The following XYLB variants were observed in gnomAD, a reference collection of about 807,000 sequenced individuals.
The protein encoded by XYLB is xylulokinase.
In XYLB, 62 loss-of-function variants were observed where a neutral mutation model predicts 78.7. That is an observed-to-expected ratio of 0.79 (90% CI 0.64 to 0.97). The LOEUF is 0.97. Among genes scored for constraint, XYLB ranks in the 50% least tolerant of loss-of-function variants. The pLI is 0.00. For synonymous variants in XYLB, 245 were observed against 247.4 expected (o/e 0.99, Z 0.09); for missense variants, 687 against 676.8 (o/e 1.02, Z -0.17).
chr3:38,348,446 A>G, intron 1 of XYLB, 104 bp from the exon 2 acceptor site: 1 of 1,071,588 alleles, frequency 9.3e-7, no homozygotes, highest in Non-Finnish European at 1.4e-6. Flanking sequence ...TCTAGGTTGA[A>G]CTGCTCCTAG....
intron 18 of XYLB, among the ~76,000 whole-genome samples, chr3:38,404,717 T>C (rs899408029): frequency 3.9e-5 from 6 of 152,154 alleles, no homozygotes; most frequent in African/African-American, 1.4e-4. Context: ...TCCCAGCTAC[T>C]TGAGAGGTTC....
At chr3:38,362,809 A>G (rs1381933349) in intron 3 of XYLB, 128 bp from the exon 4 acceptor site, 10 of 640,842 alleles carry the variant, frequency 1.6e-5, no homozygotes, top group Admixed American at 9.4e-5. Context: ...ATCCCAAGTC[A>G]TGAGTTTCTT....
intron 7 of XYLB, 102 bp from the exon 8 acceptor site, chr3:38,368,083 T>C: frequency 8.8e-7 from 1 of 1,136,014 alleles, no homozygotes. Flanking sequence ...AAGTTTCCAC[T>C]TCCCTCTCCA....
At chr3:38,372,091 TG>T (rs1359116782) in intron 9 of XYLB, among the ~76,000 whole-genome samples, 3 of 152,210 alleles carry the variant, frequency 2.0e-5, no homozygotes, top group Admixed American at 6.5e-5. Context: ...GTGTCACATG[TG>T]GGGGAACCAC....
chr3:38,439,654 C>T, the XYLB span, among the ~76,000 whole-genome samples: 20 of 151,578 alleles, frequency 1.3e-4, no homozygotes, highest in East Asian at 5.9e-4. Context: ...CCCAGCTACT[C>T]GGGAGGCTGA....
chr3:38,372,548 G>C, intron 9 of XYLB, 107 bp from the exon 10 acceptor site: 1 of 1,578,642 alleles, frequency 6.3e-7, no homozygotes. Flanking sequence ...CTTCAGGTCT[G>C]GTGACCTGGA....
At chr3:38,377,085 T>A (rs1447804535) in intron 14 of XYLB, 94 bp downstream of exon 14, 3 of 1,103,898 alleles carry the variant, frequency 2.7e-6, no homozygotes, top group Non-Finnish European at 4.1e-6. Context: ...TTTAGGGACT[T>A]CATTCATTCA....
At position 38,365,277 on chromosome 3, in the gene XYLB, C is replaced by T; in HGVS notation, c.370C>T (p.Gln124Ter). ...SLSPDLRLHQ[Q>*]LQDCFSISDC... The stretch of plus-strand genomic sequence containing the variant: ...ATCACCAGACCTCCGGCTACACCAG[C>T]AGCTGCAGGTAACTGTGGCTACGTT... Residue 124 changes from glutamine (Q) to a stop codon, truncating the protein, a stop_gained, in exon 5 of 19, where the codon CAG (glutamine) becomes TAG (stop). Transcript: ENST00000207870. LOFTEE classifies it high-confidence loss of function. 1 of 1,614,166 alleles carries T rather than the reference C, an allele frequency of 6.2e-7. No individual in the cohort carries two copies. The highest frequency in any genetic ancestry group is 8.5e-7 in the Non-Finnish European group (1 of 1,179,984).
the XYLB span, among the ~76,000 whole-genome samples, chr3:38,450,262 T>G: frequency 6.6e-6 from 1 of 152,174 alleles, no homozygotes; most frequent in Non-Finnish European, 1.5e-5. Flanking sequence ...CAAATAACAT[T>G]ATAAAAACTG....
chr3:38,445,819 C>T, the XYLB span, among the ~76,000 whole-genome samples: 15 of 152,192 alleles, frequency 9.9e-5, no homozygotes, highest in East Asian at 7.7e-4. Context: ...AACTGGCTGA[C>T]AGGTGCCTGG....
At chr3:38,411,040 CA>C (rs1209905496) in intron 18 of XYLB, among the ~76,000 whole-genome samples, 3 of 151,896 alleles carry the variant, frequency 2.0e-5, no homozygotes, top group Non-Finnish European at 2.9e-5. Context: ...GGTATATACC[CA>C]AAGGACTATA....
chr3:38,443,422 A>T, the XYLB span, among the ~76,000 whole-genome samples: 1 of 152,126 alleles, frequency 6.6e-6, no homozygotes, highest in African/African-American at 2.4e-5. Context: ...CTTGTTTCTC[A>T]CTGGACAATC....
At chr3:38,366,785 A>G in intron 6 of XYLB, 23 bp from the exon 7 acceptor site, 4 of 1,583,152 alleles carry the variant, frequency 2.5e-6, no homozygotes, top group Non-Finnish European at 3.5e-6. Context: ...TTGGGTTCCT[A>G]AGAATTTATA....
chr3:38,385,188 C>A (rs71323661), intron 15 of XYLB, among the ~76,000 whole-genome samples: 1 of 151,906 alleles, frequency 6.6e-6, no homozygotes, highest in Non-Finnish European at 1.5e-5. Context: ...TTTGTAGAGA[C>A]GGGGTTTCGC....
the XYLB span, among the ~76,000 whole-genome samples, chr3:38,430,241 T>A: frequency 6.6e-6 from 1 of 152,206 alleles, no homozygotes; most frequent in Non-Finnish European, 1.5e-5. Flanking sequence ...TTTTAATGAT[T>A]GCCATTCTAA....
chr3:38,421,957 G>C (rs142099727), downstream of XYLB, among the ~76,000 whole-genome samples: 515 of 152,336 alleles, frequency 3.4e-3, 5 homozygotes, highest in African/African-American at 0.012. Flanking sequence ...CAGCAAGCTA[G>C]ACAAGAGGGT....
the XYLB span, among the ~76,000 whole-genome samples, chr3:38,440,878 C>T: frequency 1.3e-5 from 2 of 152,016 alleles, no homozygotes; most frequent in South Asian, 4.1e-4. Context: ...TCCTCTCTCT[C>T]TCTCTCACTC....
At chr3:38,373,434 T>TGG (rs1706679948) in intron 10 of XYLB, among the ~76,000 whole-genome samples, 1 of 152,274 alleles carries the variant, frequency 6.6e-6, no homozygotes, top group African/African-American at 2.4e-5. Context: ...GATTAATTTC[T>TGG]GTCCTTTCAG....
chr3:38,349,881 ATCT>A (rs1305489288), intron 2 of XYLB, among the ~76,000 whole-genome samples: 7 of 152,092 alleles, frequency 4.6e-5, no homozygotes, highest in African/African-American at 1.4e-4. Context: ...CTGTATCCTA[ATCT>A]TCTTATAAGG....
Sources: allele counts gnomAD v4.1 joint callset (sites outside exome capture counted in the v4.1 genomes callset), GRCh38; gene constraint gnomAD v4.1.1; transcripts MANE v1.5; gene names NCBI Gene and HGNC (gene_info 2026-07-23, HGNC 2026-07-21).